Variants in TNC observed in about 807,000 individuals in gnomAD.
The protein encoded by TNC is tenascin C.
Under a neutral mutation model 202.4 loss-of-function variants are expected in TNC, and 109 were observed. The observed-to-expected ratio is 0.54, with a 90% CI of 0.46 to 0.63. TNC has a LOEUF of 0.63. TNC is among the 30% of genes least tolerant of loss of function. The pLI, the probability that TNC is intolerant of heterozygous loss-of-function variation, is 0.00. For synonymous variants in TNC, 1,007 were observed against 1,089.7 expected (o/e 0.92, Z 1.50); for missense variants, 2,756 against 2,833.3 (o/e 0.97, Z 0.62).
At chr9:115,074,467 C>T (rs755968487) in intron 9 of TNC, among the ~76,000 whole-genome samples, 1 of 152,210 alleles carries the variant, frequency 6.6e-6, no homozygotes, top group Non-Finnish European at 1.5e-5. Flanking sequence ...GCATCTTGAT[C>T]TTGGACTTCG....
In TNC at chr9:115,086,316, T is replaced by A; in HGVS notation, c.1415A>T (p.Asn472Ile). Reference sequence around the variant, plus strand: ...ACAGCGGCCGTGCTGGTGACAGTCATTAGGGCAGCTCATGTCACTGCAGTC... The same window carrying A: ...ACAGCGGCCGTGCTGGTGACAGTCAATAGGGCAGCTCATGTCACTGCAGTC... ...GYDCSDMSCPNDCHQHGRCVN... is the reference protein window; with the variant it reads ...GYDCSDMSCPIDCHQHGRCVN... Residue 472 changes from asparagine to isoleucine, a missense_variant, in exon 3 of 28, where the codon AAT becomes ATT. By Grantham distance (149) the Asn-to-Ile change is moderately radical. Transcript: ENST00000350763. 6.2e-7 allele frequency: 1 copy of A among 1,614,126 alleles called. No individual in the cohort carries two copies. The highest frequency in any genetic ancestry group is 8.5e-7 in the Non-Finnish European group (1 of 1,180,006).
chr9:115,063,042 G>T lies in TNC; in HGVS notation c.3908C>A (p.Thr1303Lys), dbSNP rs144732841. 1 of 1,613,994 alleles carries T rather than the reference G, an allele frequency of 6.2e-7. No homozygotes were observed. The highest frequency in any genetic ancestry group is 8.5e-7 in the Non-Finnish European group (1 of 1,180,034). ...CATGGAACGCAGGCTGCCAGGAACC[G>T]TGAGATTGTGAGCCTCTTCCACCTG... is the stretch of plus-strand genomic sequence containing the variant. Reference protein sequence around the residue: ...ADQVEEAHNLTVPGSLRSMEI... With the variant: ...ADQVEEAHNLKVPGSLRSMEI... Residue 1303 changes from threonine to lysine, a missense_variant, in exon 13 of 28, where the codon ACG (threonine) becomes AAG (lysine). This residue lies in a region of TNC where 2,559 missense variants were observed against 2,546.0 expected (regional missense o/e 1.01). Transcript: ENST00000350763.
chr9:115,067,924 C>T (rs565452959), intron 10 of TNC, among the ~76,000 whole-genome samples: 3 of 151,760 alleles, frequency 2.0e-5, no homozygotes, highest in East Asian at 1.9e-4. Flanking sequence ...GTGGATGCTA[C>T]GTGTGCCCCA....
In TNC at chr9:115,041,059, G is replaced by T. The variant is rs753403591; in HGVS notation, c.5274C>A (p.Asp1758Glu). The change falls in exon 19 of 28, where the codon GAC (aspartate) becomes GAA (glutamate). Residue 1758 changes from aspartate (D) to glutamate (E), a missense_variant. Physicochemically the swap from Asp to Glu is conservative, Grantham distance 45. Around this residue, in one of 2 missense-constraint regions of TNC, gnomAD observed 2,559 missense variants for 2,546.0 expected, o/e 1.01. Coordinates refer to ENST00000350763, the MANE Select transcript of TNC (RefSeq NM_002160.4). ...CCAGCCTGGTCTGAGTCTTGGTTCCGTCCACAGTTACCATGGAGGGTGTAC... is the reference window on the plus strand; with the variant it reads ...CCAGCCTGGTCTGAGTCTTGGTTCCTTCCACAGTTACCATGGAGGGTGTAC... ...TGGTPSMVTVDGTKTQTRLVK... is the reference protein window; with the variant it reads ...TGGTPSMVTVEGTKTQTRLVK... The T allele has an allele frequency of 6.2e-6, 10 of 1,613,722 alleles. No individual in the cohort carries two copies. The highest frequency in any genetic ancestry group is 1.1e-5 in the South Asian group (1 of 91,052).
At chr9:115,083,931 A>G (rs1380870584) in intron 4 of TNC, among the ~76,000 whole-genome samples, 1 of 152,228 alleles carries the variant, frequency 6.6e-6, no homozygotes, top group Non-Finnish European at 1.5e-5. Flanking sequence ...ACTAATATGT[A>G]GACTGCTTAC....
intron 9 of TNC, among the ~76,000 whole-genome samples, chr9:115,075,566 C>T (rs1833783050): frequency 1.3e-5 from 2 of 152,144 alleles, no homozygotes; most frequent in Admixed American, 1.3e-4. Flanking sequence ...GTGGGCGGAT[C>T]ATGAGGTCAA....
rs375283743 is a variant in TNC, at chr9:115,041,034, C to T, written c.5299G>A (p.Val1767Met). Residue 1767 changes from valine (V) to methionine (M), a missense_variant, in exon 19 of 28, where the codon GTG becomes ATG. Physicochemically the swap from Val to Met is conservative, Grantham distance 21. Coordinates refer to ENST00000350763, the MANE Select transcript of TNC (RefSeq NM_002160.4). ...TACTCCACGCCAGGTATGAGTTTCA[C>T]CAGCCTGGTCTGAGTCTTGGTTCCG... is the stretch of plus-strand genomic sequence containing the variant. ...VDGTKTQTRL[V>M]KLIPGVEYLV... 23 of 1,614,130 alleles carry T rather than the reference C, an allele frequency of 1.4e-5. No homozygotes were observed. The South Asian group carries it at 2.4e-4, about 17-fold the overall frequency.
intron 12 of TNC, 150 bp downstream of exon 12, chr9:115,063,646 G>C: frequency 2.3e-6 from 2 of 878,048 alleles, no homozygotes; most frequent in South Asian, 3.8e-5. Context: ...CCAAATAAGG[G>C]ATGTGACATT....
chr9:115,069,587 TTTCCTTCCCTTCCTCC>T, intron 10 of TNC, among the ~76,000 whole-genome samples: 1 of 104,106 alleles, frequency 9.6e-6, no homozygotes, highest in Non-Finnish European at 2.0e-5. Context: ...TCCTCCCTTC[TTTCCTTCCCTTCCTCC>T]CTCCCTCCCT....
chr9:115,062,971 G>A lies in TNC; in HGVS notation c.3979C>T (p.His1327Tyr), dbSNP rs758151001. The A allele has an allele frequency of 3.7e-6, 6 of 1,613,920 alleles. No homozygotes were observed. In the African/African-American group the frequency reaches 5.3e-5, roughly 14 times the overall value. ...GTGCTGTGGCCCCTGACCTCGCCGT[G>A]CAGGGTGACTGTGTAAGGAGTGCCA... is the stretch of plus-strand genomic sequence containing the variant. ...RAGTPYTVTLHGEVRGHSTRP... is the reference protein window; with the variant it reads ...RAGTPYTVTLYGEVRGHSTRP... The change falls in exon 13 of 28, where the codon CAC becomes TAC. Residue 1327 changes from histidine to tyrosine, a missense_variant. Physicochemically the swap from His to Tyr is moderately conservative, Grantham distance 83. Coordinates refer to ENST00000350763, the MANE Select transcript of TNC (RefSeq NM_002160.4).
intron 15 of TNC, among the ~76,000 whole-genome samples, chr9:115,054,247 C>T (rs1831925294): frequency 6.6e-6 from 1 of 152,138 alleles, no homozygotes; most frequent in African/African-American, 2.4e-5. Flanking sequence ...CACAATTATA[C>T]AGCATAATTC....
chr9:115,106,488 T>C (rs1283374878), intron 1 of TNC, among the ~76,000 whole-genome samples: 1 of 152,144 alleles, frequency 6.6e-6, no homozygotes, highest in African/African-American at 2.4e-5. Flanking sequence ...CAAGGTAGGA[T>C]GGTGTTTGGG....
At position 115,076,549 on chromosome 9, in the gene TNC, G is replaced by T. The variant is rs749140505; in HGVS notation, c.2701C>A (p.Arg901Ser). The T allele has an allele frequency of 6.2e-7, 1 of 1,614,058 alleles. No individual in the cohort carries two copies. Among genetic ancestry groups the T allele is most frequent in the Non-Finnish European group, 8.5e-7 (1 of 1,180,046 alleles). The change falls in exon 8 of 28, where the codon CGT (arginine) becomes AGT (serine). Residue 901 changes from arginine to serine, a missense_variant. By Grantham distance (110) the Arg-to-Ser change is moderately radical. Coordinates refer to ENST00000350763, the MANE Select transcript of TNC (RefSeq NM_002160.4). ...TGLDAPRNLR[R>S]VSQTDNSITL... The stretch of plus-strand genomic sequence containing the variant: ...ATGCTGTTATCTGTCTGGGAAACAC[G>T]TCGAAGATTCCTGGGAGCATCGAGG...
chr9:115,056,739 G>A (rs925961373), intron 15 of TNC, among the ~76,000 whole-genome samples: 3 of 152,136 alleles, frequency 2.0e-5, no homozygotes, highest in African/African-American at 4.8e-5. Context: ...TGGGTATTGC[G>A]AGGTCCAAGA....
At chr9:115,075,076 A>G (rs1014493335) in intron 9 of TNC, among the ~76,000 whole-genome samples, 1 of 152,122 alleles carries the variant, frequency 6.6e-6, no homozygotes, top group Non-Finnish European at 1.5e-5. Context: ...AAGCTCAATG[A>G]TGATCCATCT....
intron 13 of TNC, among the ~76,000 whole-genome samples, 173 bp downstream of exon 13, chr9:115,062,744 C>T (rs2132604662): frequency 6.6e-6 from 1 of 150,934 alleles, no homozygotes; most frequent in South Asian, 2.1e-4. Flanking sequence ...ACATATAGTC[C>T]CAAGAATATT....
At chr9:115,049,291 T>C (rs985645862) in intron 15 of TNC, among the ~76,000 whole-genome samples, 4 of 152,188 alleles carry the variant, frequency 2.6e-5, no homozygotes, top group Non-Finnish European at 5.9e-5. Flanking sequence ...TTTTCACACA[T>C]TGGGATATCC....
Position 115,073,792 on chromosome 9 carries a change from A to G in TNC, c.3025T>C (p.Leu1009=), listed in dbSNP as rs1009651536. The G allele has an allele frequency of 2.5e-6, 4 of 1,613,960 alleles. No homozygotes were observed. Among genetic ancestry groups the G allele is most frequent in the Admixed American group, 3.3e-5 (2 of 59,998 alleles). The change falls in exon 10 of 28, where the codon TTG becomes CTG. Residue 1009 remains leucine (L), a synonymous_variant. Coordinates refer to ENST00000350763, the MANE Select transcript of TNC (RefSeq NM_002160.4). ...AGGCGGTAGCGGTCAAATTTGGCCA[A>G]CGGTGTCTTCCAGAGCAGGGTCAGG... ...TSLTLLWKTP[L]AKFDRYRLNY... is the part of the protein sequence containing the mutation.
intron 14 of TNC, among the ~76,000 whole-genome samples, chr9:115,057,846 G>A (rs1261836248): frequency 3.3e-4 from 50 of 152,226 alleles, no homozygotes; most frequent in Admixed American, 3.3e-3. Context: ...TTACTTGGAT[G>A]CCTTCCACAG....
Sources: gnomAD v4.1 joint callset for allele counts (sites outside exome capture counted in the v4.1 genomes callset) on GRCh38, gnomAD v4.1.1 for gene constraint, gnomAD v4.1.1 regional missense constraint, MANE v1.5 for transcripts, NCBI Gene and HGNC (gene_info 2026-07-23, HGNC 2026-07-21) for gene names.